The following C4orf51 variants were observed in gnomAD, a reference collection of about 807,000 sequenced individuals.
The protein encoded by C4orf51 is uncharacterized protein C4orf51.
C4orf51 carries 25 observed loss-of-function variants against 25.2 expected under a neutral mutation model. The observed-to-expected ratio is 0.99, with a 90% CI of 0.72 to 1.39. C4orf51 has a LOEUF of 1.39. Ranked by LOEUF, C4orf51 falls within the 40% of genes most tolerant of loss-of-function variation. The probability of loss-of-function intolerance (pLI) is 0.00; values close to 1 mark genes in which losing one functional copy is unlikely to be tolerated. For missense variants in C4orf51, 252 were observed against 239.6 expected (o/e 1.05, Z -0.34); for synonymous variants, 100 against 84.5 (o/e 1.18, Z -1.01).
chr4:145,681,607 C>A (rs72950889), intron 1 of C4orf51, among the ~76,000 whole-genome samples: 24,150 of 152,108 alleles, frequency 0.16, 2,133 homozygotes, highest in Middle Eastern at 0.21. Context: ...GACTGGGTAA[C>A]TTATAAATAA....
intron 1 of C4orf51, among the ~76,000 whole-genome samples, chr4:145,695,773 A>G (rs1344159439): frequency 6.6e-6 from 1 of 152,244 alleles, no homozygotes; most frequent in Admixed American, 6.5e-5. Flanking sequence ...AATGACAATC[A>G]ATGACAGGTT....
At chr4:145,729,844 ACT>A (rs777792546) in intron 4 of C4orf51, 46 bp from the exon 5 acceptor site, 14 of 1,491,866 alleles carry the variant, frequency 9.4e-6, no homozygotes, top group Admixed American at 3.3e-5. Context: ...CTTATGGTAG[ACT>A]CTCTTTATCG....
At chr4:145,701,948 G>A (rs865861029) in intron 2 of C4orf51, among the ~76,000 whole-genome samples, 125 of 151,796 alleles carry the variant, frequency 8.2e-4, no homozygotes, top group African/African-American at 2.8e-3. Context: ...AGCCTCCTTC[G>A]CGTCTTCCTC....
the C4orf51 span, chr4:145,779,440 A>G: frequency 6.2e-7 from 1 of 1,614,232 alleles, no homozygotes; most frequent in Admixed American, 1.7e-5. Context: ...CACACGTCAC[A>G]GGGAAAAAGC....
chr4:145,724,122 A>G (rs1199564340), intron 2 of C4orf51, among the ~76,000 whole-genome samples: 1 of 152,244 alleles, frequency 6.6e-6, no homozygotes, highest in Non-Finnish European at 1.5e-5. Context: ...AAACTTTAAT[A>G]TTATAGAATC....
intron 1 of C4orf51, among the ~76,000 whole-genome samples, chr4:145,753,046 G>A: frequency 6.6e-6 from 1 of 152,140 alleles, no homozygotes; most frequent in East Asian, 1.9e-4. Flanking sequence ...ATTTAAGACT[G>A]TCTTTTCTAC....
At chr4:145,693,038 A>AT (rs1729716388) in intron 1 of C4orf51, among the ~76,000 whole-genome samples, 1 of 80,948 alleles carries the variant, frequency 1.2e-5, no homozygotes, top group African/African-American at 4.8e-5. Flanking sequence ...TTTTTTTATT[A>AT]AATTTATTTT....
downstream of C4orf51, chr4:145,758,962 A>G (rs542077857): frequency 6.6e-6 from 1 of 152,352 alleles, no homozygotes; most frequent in East Asian, 1.9e-4. Flanking sequence ...GTAGAACTGT[A>G]CTAATTTCCA....
At chr4:145,719,371 C>T (rs1475072913) in intron 2 of C4orf51, among the ~76,000 whole-genome samples, 3 of 152,136 alleles carry the variant, frequency 2.0e-5, no homozygotes, top group Middle Eastern at 3.4e-3. Flanking sequence ...TTTGGGAGGC[C>T]GAGGCAGGCG....
intron 2 of C4orf51, among the ~76,000 whole-genome samples, chr4:145,719,989 G>A (rs925806306): frequency 6.6e-5 from 10 of 152,118 alleles, no homozygotes; most frequent in Non-Finnish European, 1.3e-4. Flanking sequence ...CGTGGCTTCC[G>A]AGCTTGGTTG....
chr4:145,729,396 C>T (rs144885937), intron 4 of C4orf51, among the ~76,000 whole-genome samples, 167 bp downstream of exon 4: 4,631 of 148,072 alleles, frequency 0.031, 201 homozygotes, highest in African/African-American at 0.1. Flanking sequence ...CTGCCTCCCA[C>T]GTTCACGCCA....
At chr4:145,701,572 C>T (rs1046829591) in intron 2 of C4orf51, among the ~76,000 whole-genome samples, 10 of 151,466 alleles carry the variant, frequency 6.6e-5, no homozygotes, top group South Asian at 6.3e-4. Context: ...TGATGCTGCC[C>T]GATCGCCTCA....
chr4:145,700,192 G>C (rs185016363), intron 2 of C4orf51, among the ~76,000 whole-genome samples: 2 of 119,066 alleles, frequency 1.7e-5, no homozygotes, highest in African/African-American at 3.4e-5. Context: ...CCTTATTTCT[G>C]CACCCCAACC....
downstream of C4orf51, among the ~76,000 whole-genome samples, chr4:145,736,377 C>T (rs999205062): frequency 6.6e-6 from 1 of 151,992 alleles, no homozygotes; most frequent in African/African-American, 2.4e-5. Context: ...ATTTCACAGG[C>T]CCTCAGATCT....
downstream of C4orf51, among the ~76,000 whole-genome samples, chr4:145,772,441 A>G (rs1387358265): frequency 6.6e-6 from 1 of 152,224 alleles, no homozygotes; most frequent in African/African-American, 2.4e-5. Flanking sequence ...TAAATACAGG[A>G]AACCCTTGCT....
chr4:145,734,448 C>G (rs1732689076), downstream of C4orf51, among the ~76,000 whole-genome samples: 1 of 152,142 alleles, frequency 6.6e-6, no homozygotes, highest in Non-Finnish European at 1.5e-5. Flanking sequence ...GCATCAAGAG[C>G]TTTATCATAT....
chr4:145,739,794 G>T (rs1010519565), intron 1 of C4orf51, among the ~76,000 whole-genome samples: 1 of 152,144 alleles, frequency 6.6e-6, no homozygotes, highest in African/African-American at 2.4e-5. Context: ...TTACTCTCCT[G>T]ACTAAAAGGT....
intron 3 of C4orf51, 106 bp downstream of exon 3, chr4:145,727,075 CAA>C (rs1480801375): frequency 1.2e-6 from 1 of 817,038 alleles, no homozygotes; most frequent in South Asian, 1.8e-5. Flanking sequence ...TTTTAAAAAA[CAA>C]TATTCACCAA....
At chr4:145,774,778 GA>G (rs1736800328), downstream of C4orf51, 2 of 1,274,832 alleles carry the variant, frequency 1.6e-6, no homozygotes, top group African/African-American at 3.0e-5. Flanking sequence ...ACTGGAATTT[GA>G]AACACATTTG....
Sources: gnomAD v4.1 joint callset for allele counts (sites outside exome capture counted in the v4.1 genomes callset) on GRCh38, gnomAD v4.1.1 for gene constraint, MANE v1.5 for transcripts, NCBI Gene and HGNC (gene_info 2026-07-23, HGNC 2026-07-21) for gene names.